The following ARSB variants were observed in gnomAD, a reference collection of about 807,000 sequenced individuals.
The protein encoded by ARSB is arylsulfatase B.
In ARSB, 41 loss-of-function variants were observed where a neutral mutation model predicts 50.9. That is an observed-to-expected ratio of 0.81 (90% CI 0.63 to 1.04). The LOEUF (loss-of-function observed/expected upper bound fraction) is 1.04, where lower values mean the gene tolerates loss of function less well. Ranked by LOEUF, ARSB falls within the 50% of genes least tolerant of loss-of-function variation. ARSB has a pLI of 0.00. For missense variants in ARSB, 672 were observed against 693.3 expected, an observed-to-expected ratio of 0.97 and a Z score of 0.35; for synonymous variants, 269 against 284.8, an observed-to-expected ratio of 0.94 and a Z score of 0.56.
At chr5:78,968,510 G>C (rs545456123) in intron 2 of ARSB, among the ~76,000 whole-genome samples, 1 of 151,582 alleles carries the variant, frequency 6.6e-6, no homozygotes, top group Non-Finnish European at 1.5e-5. Flanking sequence ...CACCATGCCC[G>C]GTTAATTTTT....
chr5:78,883,478 T>C (rs1053736217), intron 5 of ARSB: 7 of 152,090 alleles, frequency 4.6e-5, no homozygotes, highest in African/African-American at 1.7e-4. Context: ...AATATGAAAA[T>C]AATATGACTC....
intron 4 of ARSB, among the ~76,000 whole-genome samples, chr5:78,889,245 G>C (rs868630171): frequency 3.9e-4 from 60 of 152,344 alleles, no homozygotes; most frequent in African/African-American, 1.4e-3. Flanking sequence ...AGGTGGAAAA[G>C]GGAGTTTCCT....
chr5:78,872,436 A>G (rs1309427691), intron 5 of ARSB, among the ~76,000 whole-genome samples: 3,220 of 134,834 alleles, frequency 0.024, 125 homozygotes, highest in African/African-American at 0.081. Flanking sequence ...ACAATGATAG[A>G]CTGGATTAAG....
intron 1 of ARSB, among the ~76,000 whole-genome samples, chr5:78,984,731 C>A (rs1753072868): frequency 6.6e-6 from 1 of 152,032 alleles, no homozygotes; most frequent in Non-Finnish European, 1.5e-5. Context: ...GTCCGCGGGG[C>A]GCCAGAGCCG....
chr5:78,839,136 G>A (rs1279482201), intron 6 of ARSB, among the ~76,000 whole-genome samples: 5 of 148,584 alleles, frequency 3.4e-5, no homozygotes, highest in South Asian at 2.2e-4. Flanking sequence ...GCTAGTAAGC[G>A]GCAGAGCAAG....
At chr5:78,858,812 A>G (rs12187584) in intron 5 of ARSB, among the ~76,000 whole-genome samples, 1 of 152,038 alleles carries the variant, frequency 6.6e-6, no homozygotes, top group Non-Finnish European at 1.5e-5. Flanking sequence ...CATCTTCACT[A>G]CCAGCTACCG....
chr5:78,852,920 G>T lies in ARSB; in HGVS notation c.1143-13494C>A, dbSNP rs1745906362. On this transcript the variant is annotated intron_variant, in intron 5 of 7. Transcript: ENST00000264914. ...CTTTCAGCTCCATCAGCTCCTTTAA[G>T]CACTTCTCTGTATTGGTTATTCTAG... 3.9e-5 allele frequency among the ~76,000 whole-genome samples: 6 copies of T among 152,096 alleles called. No homozygotes were observed. The South Asian group carries it at 1.2e-3, about 32-fold the overall frequency.
chr5:78,946,239 T>A (rs766539165), intron 4 of ARSB, among the ~76,000 whole-genome samples: 16 of 152,168 alleles, frequency 1.1e-4, no homozygotes, highest in East Asian at 1.9e-4. Flanking sequence ...TAAAAAGTGC[T>A]AGCTAGAGTA....
intron 5 of ARSB, among the ~76,000 whole-genome samples, chr5:78,840,829 G>A (rs79223072): frequency 0.16 from 24,061 of 151,916 alleles, 1,984 homozygotes; most frequent in Middle Eastern, 0.2. Flanking sequence ...ATTTTCTTTC[G>A]GAGACACTTA....
chr5:78,918,522 T>G (rs1749659486), intron 4 of ARSB, among the ~76,000 whole-genome samples: 2 of 151,826 alleles, frequency 1.3e-5, no homozygotes, highest in Non-Finnish European at 2.9e-5. Flanking sequence ...TCATAAATTT[T>G]AAGTGGCAAA....
Position 78,979,399 on chromosome 5 carries a change from G to A in ARSB, c.312+5538C>T, listed in dbSNP as rs78097954. On this transcript the variant is annotated intron_variant, in intron 1 of 7. Transcript: ENST00000264914. ...CATACGTTGCTAGTGGAAATATAAC[G>A]TGGTATAGCTGCTGTGGAAAACAAT... Among the ~76,000 whole-genome samples, 1,197 of 152,296 alleles carry A rather than the reference G, an allele frequency of 7.9e-3. 10 individuals are homozygous for A. Among genetic ancestry groups the A allele is most frequent in the African/African-American group, 0.028 (1,145 of 41,554 alleles).
intron 5 of ARSB, among the ~76,000 whole-genome samples, chr5:78,843,866 T>C (rs1158123329): frequency 6.6e-6 from 1 of 152,352 alleles, no homozygotes; most frequent in East Asian, 1.9e-4. Flanking sequence ...ATCATCAATG[T>C]GGTAGCATGC....
chr5:78,812,158 G>T (rs1454595021), intron 6 of ARSB, among the ~76,000 whole-genome samples: 1 of 152,206 alleles, frequency 6.6e-6, no homozygotes, highest in Non-Finnish European at 1.5e-5. Context: ...AAATGGGAAA[G>T]TACACAAAGG....
At chr5:78,891,412 T>C (rs1748284819) in intron 4 of ARSB, among the ~76,000 whole-genome samples, 1 of 152,190 alleles carries the variant, frequency 6.6e-6, no homozygotes. Context: ...ATTGGGAGCA[T>C]TTCAAGAAGC....
chr5:78,954,747 C>T (rs113907411), intron 4 of ARSB, among the ~76,000 whole-genome samples: 6,402 of 152,264 alleles, frequency 0.042, 419 homozygotes, highest in African/African-American at 0.15. Context: ...TCAGTTGATC[C>T]ACCCACCTCG....
At chr5:78,873,811 A>T (rs990761932) in intron 5 of ARSB, among the ~76,000 whole-genome samples, 2 of 152,190 alleles carry the variant, frequency 1.3e-5, no homozygotes, top group African/African-American at 4.8e-5. Flanking sequence ...TGTAATTTTT[A>T]AAAACTCTGA....
At chr5:78,797,659 G>A (rs925450771) in intron 6 of ARSB, among the ~76,000 whole-genome samples, 1 of 152,138 alleles carries the variant, frequency 6.6e-6, no homozygotes, top group African/African-American at 2.4e-5. Flanking sequence ...TGCTGCCCCC[G>A]TGAGCCATCC....
chr5:78,889,051 T>C (rs1210255345), intron 4 of ARSB, among the ~76,000 whole-genome samples: 2 of 152,232 alleles, frequency 1.3e-5, no homozygotes, highest in Non-Finnish European at 2.9e-5. Flanking sequence ...AGATGGCACC[T>C]GGCCGATGGT....
chr5:78,976,419 C>T (rs76387905), intron 1 of ARSB, among the ~76,000 whole-genome samples: 1,835 of 151,774 alleles, frequency 0.012, 39 homozygotes, highest in African/African-American at 0.042. Context: ...CCCCTGCCCC[C>T]GGGTCTCAAC....
Sources: allele counts gnomAD v4.1 joint callset (sites outside exome capture counted in the v4.1 genomes callset), GRCh38; gene constraint gnomAD v4.1.1; transcripts MANE v1.5; gene names NCBI Gene and HGNC (gene_info 2026-07-23, HGNC 2026-07-21).